THSD4: variants seen among roughly 807,000 people sequenced by gnomAD.
THSD4 encodes thrombospondin type 1 domain containing 4, also known as thrombospondin type-1 domain-containing protein 4.
THSD4 carries 69 observed loss-of-function variants against 119.0 expected under a neutral mutation model. The observed-to-expected ratio is 0.58, with a 90% CI of 0.48 to 0.71. The LOEUF is 0.71. Ranked by LOEUF, THSD4 falls within the 30% of genes least tolerant of loss-of-function variation. The pLI is 0.00. For synonymous variants in THSD4, 524 were observed against 540.4 expected (o/e 0.97, Z 0.42); for missense variants, 1,393 against 1,391.1 (o/e 1.00, Z -0.02).
chr15:71,120,575 C>T (rs1283140516), intron 1 of THSD4, among the ~76,000 whole-genome samples: 1 of 152,224 alleles, frequency 6.6e-6, no homozygotes, highest in African/African-American at 2.4e-5. Context: ...ATGTGGCCTG[C>T]TCCACCCTCC....
At chr15:71,671,753 C>T (rs1040288105) in intron 8 of THSD4, among the ~76,000 whole-genome samples, 28 of 152,078 alleles carry the variant, frequency 1.8e-4, no homozygotes, top group African/African-American at 6.8e-4. Flanking sequence ...CCTTTCCCCA[C>T]TTCTTGTTTT....
intron 13 of THSD4, 41 bp downstream of exon 13, chr15:71,747,083 G>T (rs2053354783): frequency 2.6e-6 from 4 of 1,550,818 alleles, no homozygotes; most frequent in Non-Finnish European, 3.5e-6. Flanking sequence ...TCCCTCTCCA[G>T]CTCCCACCAC....
At chr15:71,608,239 T>TACAC (rs1189502927) in intron 7 of THSD4, among the ~76,000 whole-genome samples, 1,243 of 66,868 alleles carry the variant, frequency 0.019, 12 homozygotes, top group Middle Eastern at 0.046. Context: ...AAAAAAAAAA[T>TACAC]ATATATATAT....
intron 7 of THSD4, among the ~76,000 whole-genome samples, chr15:71,456,698 A>G (rs1339934903): frequency 2.0e-5 from 3 of 152,156 alleles, no homozygotes; most frequent in Non-Finnish European, 2.9e-5. Context: ...AGAAATTGAA[A>G]GAGTGTTAGG....
intron 3 of THSD4, among the ~76,000 whole-genome samples, chr15:71,188,588 C>G (rs917759682): frequency 2.0e-5 from 3 of 152,130 alleles, no homozygotes; most frequent in Non-Finnish European, 1.5e-5. Flanking sequence ...CAGAAGCTGC[C>G]TCCAAACCAT....
At chr15:71,577,019 A>T (rs993210898) in intron 7 of THSD4, among the ~76,000 whole-genome samples, 14 of 151,670 alleles carry the variant, frequency 9.2e-5, no homozygotes, top group African/African-American at 3.4e-4. Context: ...AATAAATGGT[A>T]TTTTTGGAAA....
At chr15:71,535,707 G>C (rs1419220343) in intron 7 of THSD4, among the ~76,000 whole-genome samples, 1 of 152,062 alleles carries the variant, frequency 6.6e-6, no homozygotes, top group African/African-American at 2.4e-5. Flanking sequence ...ATCTTTTTCT[G>C]TGCTTATTGA....
intron 1 of THSD4, among the ~76,000 whole-genome samples, chr15:71,116,003 G>A (rs1291097078): frequency 6.6e-6 from 1 of 152,214 alleles, no homozygotes; most frequent in African/African-American, 2.4e-5. Flanking sequence ...TTAAACTCTA[G>A]GGACAATCCA....
At chr15:71,194,852 A>G (rs933577648) in intron 3 of THSD4, among the ~76,000 whole-genome samples, 10 of 152,128 alleles carry the variant, frequency 6.6e-5, no homozygotes, top group African/African-American at 2.4e-4. Flanking sequence ...AAAACTACAC[A>G]TAGTTATACC....
At chr15:71,335,069 G>A (rs2140379261) in intron 6 of THSD4, among the ~76,000 whole-genome samples, 1 of 152,296 alleles carries the variant, frequency 6.6e-6, no homozygotes, top group East Asian at 1.9e-4. Context: ...TGTCTTGTGT[G>A]ACTTGTGCTG....
At chr15:71,229,650 A>G (rs1206235334) in intron 4 of THSD4, among the ~76,000 whole-genome samples, 11 of 152,204 alleles carry the variant, frequency 7.2e-5, no homozygotes, top group Admixed American at 7.2e-4. Context: ...GAATCCACAG[A>G]TGCAGAACTC....
chr15:71,584,912 T>C lies in THSD4; in HGVS notation c.1153-75618T>C, dbSNP rs566631211. ...CATGAGGCTTACATAAAACATCTTA[T>C]ATCTATAATAGTCTATTTTAAGCCG... On this transcript the variant is annotated intron_variant, in intron 7 of 17. Transcript: ENST00000261862. Among the ~76,000 whole-genome samples, 5 of 152,290 alleles carry C rather than the reference T, an allele frequency of 3.3e-5. No homozygotes were observed. The East Asian group carries it at 7.7e-4, about 24-fold the overall frequency.
At chr15:71,260,890 C>T (rs1268224476) in intron 6 of THSD4, among the ~76,000 whole-genome samples, 2 of 152,268 alleles carry the variant, frequency 1.3e-5, no homozygotes, top group East Asian at 1.9e-4. Context: ...CACCTGAGGT[C>T]GGGAGTTCGA....
chr15:71,776,643 A>G (rs1320800738), intron 17 of THSD4, among the ~76,000 whole-genome samples: 2 of 152,202 alleles, frequency 1.3e-5, no homozygotes, highest in Non-Finnish European at 2.9e-5. Flanking sequence ...AGCAAGGCCC[A>G]GGCAGAGGAT....
At chr15:71,245,068 C>T (rs146213174) in intron 5 of THSD4, among the ~76,000 whole-genome samples, 1 of 152,264 alleles carries the variant, frequency 6.6e-6, no homozygotes, top group Non-Finnish European at 1.5e-5. Flanking sequence ...GGTAATGGCA[C>T]CACTGAGGAG....
At position 71,123,821 on chromosome 15, in the gene THSD4, G is replaced by A. The variant is rs658457; in HGVS notation, c.-80+8123G>A. ...AGGGCTACATTCTTGAAGACCTCGC[G>A]GTATTCAGATCTCTCATAATTCAGA... On this transcript the variant is annotated intron_variant, in intron 1 of 17. Transcript: ENST00000261862. Among the ~76,000 whole-genome samples the A allele has an allele frequency of 3.9e-5, 6 of 152,244 alleles. No homozygotes were observed. In the East Asian group the frequency reaches 7.7e-4, roughly 20 times the overall value.
chr15:71,738,128 T>C (rs778890283), intron 11 of THSD4, 121 bp downstream of exon 11: 1 of 1,329,418 alleles, frequency 7.5e-7, no homozygotes, highest in Non-Finnish European at 1.0e-6. Context: ...GGAAGACGAT[T>C]TCTCCATGGA....
chr15:71,582,235 T>C (rs987997488), intron 7 of THSD4, among the ~76,000 whole-genome samples: 1 of 152,204 alleles, frequency 6.6e-6, no homozygotes, highest in Admixed American at 6.5e-5. Context: ...TATTCCTAAG[T>C]ATTTCATTTT....
At chr15:71,653,715 T>C (rs1296522068) in intron 7 of THSD4, among the ~76,000 whole-genome samples, 2 of 152,230 alleles carry the variant, frequency 1.3e-5, no homozygotes, top group African/African-American at 2.4e-5. Context: ...TTTTGCATAG[T>C]GGAGCTTTGG....
Sources: allele counts gnomAD v4.1 joint callset (sites outside exome capture counted in the v4.1 genomes callset), GRCh38; gene constraint gnomAD v4.1.1; transcripts MANE v1.5; gene names NCBI Gene and HGNC (gene_info 2026-07-23, HGNC 2026-07-21).